Variants in PREX1 observed in about 807,000 individuals in gnomAD.
The protein encoded by PREX1 is phosphatidylinositol-3,4,5-trisphosphate dependent Rac exchange factor 1, also known as phosphatidylinositol 3,4,5-trisphosphate-dependent Rac exchanger 1 protein.
A neutral mutation model predicts 198.3 loss-of-function variants in PREX1; 41 were observed. The observed-to-expected ratio is 0.21, with a 90% CI of 0.16 to 0.27. The LOEUF (loss-of-function observed/expected upper bound fraction) is 0.27. PREX1 is among the 10% of genes least tolerant of loss of function. The pLI, the probability that PREX1 is intolerant of heterozygous loss-of-function variation, is 1.00. For synonymous variants in PREX1, 843 were observed against 887.2 expected (o/e 0.95, Z 0.89); for missense variants, 1,620 against 2,200.7 (o/e 0.74, Z 5.28).
At chr20:48,705,573 C>T (rs1296912106) in intron 6 of PREX1, among the ~76,000 whole-genome samples, 1 of 152,174 alleles carries the variant, frequency 6.6e-6, no homozygotes, top group African/African-American at 2.4e-5. Context: ...GATGTGCAAT[C>T]GCATCATTAA....
chr20:48,835,121 G>T, the PREX1 span, among the ~76,000 whole-genome samples: 17 of 152,214 alleles, frequency 1.1e-4, no homozygotes, highest in African/African-American at 4.1e-4. Flanking sequence ...CACCCAGATG[G>T]CTCTGTGATT....
Position 48,703,093 on chromosome 20 carries a change from T to G in PREX1, c.784-2207A>C, listed in dbSNP as rs577739812. Among the ~76,000 whole-genome samples, 316 of 152,270 alleles carry G rather than the reference T, an allele frequency of 2.1e-3. 2 individuals are homozygous for G. The highest frequency in any genetic ancestry group is 7.3e-3 in the African/African-American group (304 of 41,550). Reference sequence around the variant, plus strand: ...CACTGGGACCTGCTGACTGAATTCTTTCTGAGACCCAGTAAGGAGAACTGG... The same window carrying G: ...CACTGGGACCTGCTGACTGAATTCTGTCTGAGACCCAGTAAGGAGAACTGG... On this transcript the variant is annotated intron_variant, in intron 6 of 39. Coordinates refer to ENST00000371941, the MANE Select transcript of PREX1 (RefSeq NM_020820.4).
At chr20:48,726,504 AT>A (rs939001908) in intron 4 of PREX1, 113 bp from the exon 5 acceptor site, 8 of 755,436 alleles carry the variant, frequency 1.1e-5, no homozygotes, top group Non-Finnish European at 1.8e-5. Context: ...TTGGCAAGCG[AT>A]TTAGCGACCC....
chr20:48,625,768 C>G lies in PREX1; in HGVS notation c.*117G>C, dbSNP rs2089266953. 2.4e-6 allele frequency: 3 copies of G among 1,261,178 alleles called. No homozygotes were observed. In the Admixed American group the frequency reaches 9.6e-5, roughly 40 times the overall value. 78.1% of individuals were successfully genotyped at this position (1,261,178 alleles called of 1,614,324 possible). ...AGGCAGGGAGGACGCTGGGCAGGTC[C>G]CGGAACGGGCGGCTGCGGAAGCCTT... On this transcript the variant is annotated 3_prime_UTR_variant, in exon 40 of 40. Transcript: ENST00000371941.
At chr20:48,742,745 C>T (rs1024653006) in intron 3 of PREX1, among the ~76,000 whole-genome samples, 6 of 152,150 alleles carry the variant, frequency 3.9e-5, no homozygotes, top group African/African-American at 7.2e-5. Context: ...CCCAGCCCTC[C>T]GCTGCATCTC....
intron 3 of PREX1, among the ~76,000 whole-genome samples, chr20:48,737,757 C>A (rs771928356): frequency 1.3e-5 from 2 of 152,188 alleles, no homozygotes; most frequent in Non-Finnish European, 2.9e-5. Context: ...CTGTTGAACC[C>A]CTGCCACCAT....
intron 1 of PREX1, among the ~76,000 whole-genome samples, chr20:48,749,308 C>T (rs1188907436): frequency 6.6e-6 from 1 of 152,164 alleles, no homozygotes; most frequent in African/African-American, 2.4e-5. Flanking sequence ...CTATCAGTCA[C>T]CTGCCCTGCC....
chr20:48,649,667 C>G, intron 24 of PREX1, 91 bp from the exon 25 acceptor site: 1 of 1,401,968 alleles, frequency 7.1e-7, no homozygotes, highest in Non-Finnish European at 9.5e-7. Flanking sequence ...TTTCAAGGAT[C>G]CCAATGAAGG....
chr20:48,677,496 G>T (rs953171918), intron 13 of PREX1, among the ~76,000 whole-genome samples: 7 of 152,198 alleles, frequency 4.6e-5, no homozygotes, highest in African/African-American at 1.7e-4. Context: ...ATTATACAAT[G>T]CCAGGAGCCA....
intron 5 of PREX1, among the ~76,000 whole-genome samples, chr20:48,709,766 T>C (rs1042092564): frequency 1.3e-5 from 2 of 152,182 alleles, no homozygotes; most frequent in Admixed American, 6.5e-5. Flanking sequence ...ATGCGAGCCA[T>C]TAGCATTCTC....
At chr20:48,723,766 C>A (rs1258047123) in intron 5 of PREX1, among the ~76,000 whole-genome samples, 1 of 152,232 alleles carries the variant, frequency 6.6e-6, no homozygotes, top group African/African-American at 2.4e-5. Context: ...AGGAATCCCA[C>A]CAGACCAAAC....
chr20:48,710,544 A>G (rs547920000), intron 5 of PREX1, among the ~76,000 whole-genome samples: 32 of 152,332 alleles, frequency 2.1e-4, no homozygotes, highest in African/African-American at 7.5e-4. Flanking sequence ...GAGAGGTCAG[A>G]CCGTTTGTCC....
chr20:48,649,380 G>T lies in PREX1; in HGVS notation c.3225C>A (p.Ile1075=), dbSNP rs2281287. 1.9e-6 allele frequency: 3 copies of T among 1,614,172 alleles called. No homozygotes were observed. The highest frequency in any genetic ancestry group is 2.7e-5 in the African/African-American group (2 of 75,054). Residue 1075 remains isoleucine (I), a synonymous_variant, in exon 25 of 40, where the codon ATC becomes ATA. Coordinates refer to ENST00000371941, the MANE Select transcript of PREX1 (RefSeq NM_020820.4). ...TGAAGAGCTGCAGGTAGGCATCCTG[G>T]ATCTCACGGTCCTCCTGCTTGAGTA... ...SFLLKQEDRE[I]QDAYLQLFTK...
the PREX1 span, among the ~76,000 whole-genome samples, chr20:48,847,968 C>T: frequency 1.3e-5 from 2 of 152,168 alleles, no homozygotes; most frequent in Non-Finnish European, 2.9e-5. Flanking sequence ...AGTAGTGTCC[C>T]ATTGTGTGGA....
rs187402926 is a variant in PREX1 at position 48,746,204 on chromosome 20, G to A, written c.292-1057C>T. The stretch of plus-strand genomic sequence containing the variant: ...CCTGGCTAACTTTTTTTGTATTTTA[G>A]TAGAGACAGGGTTTCACCGTGTTGC... On this transcript the variant is annotated intron_variant, in intron 2 of 39. Coordinates refer to ENST00000371941, the MANE Select transcript of PREX1 (RefSeq NM_020820.4). Among the ~76,000 whole-genome samples the A allele has an allele frequency of 2.1e-3, 321 of 152,136 alleles. 1 individual carries two copies. Among genetic ancestry groups the A allele is most frequent in the African/African-American group, 7.6e-3 (315 of 41,498 alleles).
chr20:48,776,416 T>C (rs936263845), intron 1 of PREX1, among the ~76,000 whole-genome samples: 62 of 152,282 alleles, frequency 4.1e-4, no homozygotes, highest in Admixed American at 3.7e-3. Flanking sequence ...GGCAACCAGA[T>C]GCCTGCTTAG....
chr20:48,705,486 G>A (rs2089898702), intron 6 of PREX1, among the ~76,000 whole-genome samples: 1 of 152,202 alleles, frequency 6.6e-6, no homozygotes. Flanking sequence ...TCAAGAGAGA[G>A]ATGACAGCTA....
intron 1 of PREX1, among the ~76,000 whole-genome samples, chr20:48,772,779 C>T (rs1267347947): frequency 1.3e-5 from 2 of 152,142 alleles, no homozygotes; most frequent in African/African-American, 2.4e-5. Context: ...AGGCCAATGG[C>T]GAAGTTGTCT....
At chr20:48,874,298 A>T in the PREX1 span, among the ~76,000 whole-genome samples, 1 of 152,056 alleles carries the variant, frequency 6.6e-6, no homozygotes. Context: ...ATAAAAGCAC[A>T]AGAGGTTGCA....
Sources: allele counts gnomAD v4.1 joint callset (sites outside exome capture counted in the v4.1 genomes callset), GRCh38; gene constraint gnomAD v4.1.1; transcripts MANE v1.5; gene names NCBI Gene and HGNC (gene_info 2026-07-23, HGNC 2026-07-21).